Variants in ESYT3 observed in about 807,000 individuals in gnomAD.
ESYT3 encodes the protein extended synaptotagmin 3.
ESYT3 carries 101 observed loss-of-function variants against 111.5 expected under a neutral mutation model. The ratio of observed to expected loss-of-function variants is 0.91; its 90% CI spans 0.77 to 1.07. The LOEUF (loss-of-function observed/expected upper bound fraction) is 1.07. Among genes scored for constraint, ESYT3 ranks in the 50% least tolerant of loss-of-function variants. The pLI is 0.00. For synonymous variants in ESYT3, 416 were observed against 446.8 expected, an observed-to-expected ratio of 0.93 and a Z score of 0.87; for missense variants, 1,097 against 1,109.4, an observed-to-expected ratio of 0.99 and a Z score of 0.16.
Position 138,472,806 on chromosome 3 carries a change from C to T in ESYT3, c.2184C>T (p.Leu728=), listed in dbSNP as rs1370893181. The T allele has an allele frequency of 1.4e-5, 23 of 1,614,230 alleles. No individual in the cohort carries two copies. Among genetic ancestry groups the T allele is most frequent in the Non-Finnish European group, 1.8e-5 (21 of 1,180,050 alleles). Reference sequence around the variant, plus strand: ...GGCTGGCTCCCAGCATGTCCTCGCTCAACTCCTTGGCCTCTTCTTGCTTTG... The same window carrying T: ...GGCTGGCTCCCAGCATGTCCTCGCTTAACTCCTTGGCCTCTTCTTGCTTTG... ...PKRLAPSMSS[L]NSLASSCFDL... Residue 728 remains leucine (L), a synonymous_variant, in exon 18 of 23, where the codon CTC becomes CTT. Coordinates refer to ENST00000389567, the MANE Select transcript of ESYT3 (RefSeq NM_031913.5).
chr3:138,450,271 A>G (rs972432186), intron 1 of ESYT3, among the ~76,000 whole-genome samples: 2 of 152,186 alleles, frequency 1.3e-5, no homozygotes, highest in African/African-American at 2.4e-5. Context: ...CTACTTTAGT[A>G]CTGGGCAGTG....
chr3:138,470,492 C>G, intron 16 of ESYT3: 1 of 1,108,026 alleles, frequency 9.0e-7, no homozygotes, highest in Non-Finnish European at 1.1e-6. Context: ...CACAAAAGAT[C>G]TGTAGAGTAA....
In ESYT3 at chr3:138,462,148, T is replaced by C. The variant is rs746884598; in HGVS notation, c.857T>C (p.Val286Ala). The C allele has an allele frequency of 6.2e-7, 1 of 1,614,208 alleles. No individual in the cohort carries two copies. Among genetic ancestry groups the C allele is most frequent in the Non-Finnish European group, 8.5e-7 (1 of 1,180,020 alleles). ...ACCCACCTGGTGCTGCCCAACCGTG[T>C]GACTGTGCCTGTGAAGAAGGGGCTG... ...IATHLVLPNR[V>A]TVPVKKGLDL... Residue 286 changes from valine (V) to alanine (A), a missense_variant, in exon 8 of 23, where the codon GTG becomes GCG. Val to Ala is a moderately conservative substitution (Grantham distance 64). Coordinates refer to ENST00000389567, the MANE Select transcript of ESYT3 (RefSeq NM_031913.5).
intron 10 of ESYT3, among the ~76,000 whole-genome samples, chr3:138,467,201 G>T (rs2032972461): frequency 6.6e-6 from 1 of 152,164 alleles, no homozygotes; most frequent in Admixed American, 6.5e-5. Context: ...GGACCAGGAG[G>T]CCAAATTTCT....
chr3:138,462,487 C>T (rs539959615), intron 8 of ESYT3: 2 of 536,866 alleles, frequency 3.7e-6, no homozygotes, highest in South Asian at 6.4e-5. Flanking sequence ...TGACTTGTTT[C>T]ATTCTGGTCT....
At position 138,446,625 on chromosome 3, in the gene ESYT3, C is replaced by T. The variant is rs567105208; in HGVS notation, c.328-5423C>T. On this transcript the variant is annotated intron_variant, in intron 1 of 22. Transcript: ENST00000389567. ...AATGATATACCTGGGCATGGTGGCT[C>T]ACACCTGTAATCCTAACAGTTTGGG... Among the ~76,000 whole-genome samples, 61 of 152,276 alleles carry T rather than the reference C, an allele frequency of 4.0e-4. 1 individual carries two copies. In the South Asian group the frequency reaches 0.012, roughly 30 times the overall value.
chr3:138,462,398 G>A (rs1029265909), intron 8 of ESYT3, 192 bp downstream of exon 8: 7 of 714,820 alleles, frequency 9.8e-6, no homozygotes, highest in African/African-American at 5.3e-5. Flanking sequence ...CACTTGGGAG[G>A]TAGTGTCAAA....
intron 1 of ESYT3, among the ~76,000 whole-genome samples, chr3:138,447,223 T>C (rs564756164): frequency 6.6e-6 from 1 of 152,300 alleles, no homozygotes; most frequent in East Asian, 1.9e-4. Context: ...AAGGACATGA[T>C]TAATAACCTG....
At chr3:138,446,295 A>G (rs569280262) in intron 1 of ESYT3, among the ~76,000 whole-genome samples, 10 of 152,322 alleles carry the variant, frequency 6.6e-5, no homozygotes, top group Admixed American at 5.9e-4. Flanking sequence ...GGAAAAGCAC[A>G]GACTCTGTGG....
At chr3:138,473,190 GGT>G in intron 18 of ESYT3, 1 of 1,150,442 alleles carries the variant, frequency 8.7e-7, no homozygotes, top group Non-Finnish European at 1.1e-6. Context: ...ATTTATGAAG[GGT>G]TTACTATGGG....
At chr3:138,449,345 C>T (rs1223123912) in intron 1 of ESYT3, among the ~76,000 whole-genome samples, 1 of 152,058 alleles carries the variant, frequency 6.6e-6, no homozygotes, top group African/African-American at 2.4e-5. Flanking sequence ...CTCGGCCTCC[C>T]AAAGCGCTGG....
intron 16 of ESYT3, 93 bp downstream of exon 16, chr3:138,470,239 T>C: frequency 6.8e-7 from 1 of 1,478,412 alleles, no homozygotes; most frequent in Non-Finnish European, 9.1e-7. Context: ...CAGGTTCTCC[T>C]GGCAGCGTTT....
Position 138,472,572 on chromosome 3 carries a change from TACC to T in ESYT3, c.1954_1956del (p.Thr652del). On this transcript the variant is annotated inframe_deletion, in exon 18 of 23. Transcript: ENST00000389567. ...GGAGTACCACAACCACCACCAGTGCTACCACCGTTGCCACTGAGCCCACATCCC... is the reference window on the plus strand; with the variant it reads ...GGAGTACCACAACCACCACCAGTGCTACCGTTGCCACTGAGCCCACATCCC... The T allele has an allele frequency of 6.2e-7, 1 of 1,614,166 alleles. No homozygotes were observed. Among genetic ancestry groups the T allele is most frequent in the Non-Finnish European group, 8.5e-7 (1 of 1,180,034 alleles).
Position 138,452,029 on chromosome 3 carries a change from C to T in ESYT3, c.328-19C>T, listed in dbSNP as rs375015235. 6.2e-7 allele frequency: 1 copy of T among 1,613,622 alleles called. No homozygotes were observed. The highest frequency in any genetic ancestry group is 8.5e-7 in the Non-Finnish European group (1 of 1,179,876). On this transcript the variant is annotated intron_variant, in intron 1 of 22. Coordinates refer to ENST00000389567, the MANE Select transcript of ESYT3 (RefSeq NM_031913.5). ...TGTGCGGCTTCTAGTCTAACTTCCC[C>T]TCGGGGCTTCTTTCCTAGATCCACT... is the stretch of plus-strand genomic sequence containing the variant.
At chr3:138,473,164 G>A in intron 18 of ESYT3, 1 of 1,280,970 alleles carries the variant, frequency 7.8e-7, no homozygotes, top group Non-Finnish European at 9.9e-7. Context: ...GTAGAATTAT[G>A]TAATAAATGG....
chr3:138,475,112 CAAGAA>C (rs1270451801), intron 20 of ESYT3, among the ~76,000 whole-genome samples: 3 of 152,124 alleles, frequency 2.0e-5, no homozygotes, highest in Non-Finnish European at 4.4e-5. Context: ...TCATCAGTAT[CAAGAA>C]AAGGGTATGA....
chr3:138,463,481 C>T (rs1360637108), intron 8 of ESYT3, among the ~76,000 whole-genome samples: 1 of 152,152 alleles, frequency 6.6e-6, no homozygotes, highest in Non-Finnish European at 1.5e-5. Context: ...TTTAAGAGCT[C>T]CAAAGTACTT....
chr3:138,462,336 A>G, intron 8 of ESYT3, 130 bp downstream of exon 8: 1 of 1,263,762 alleles, frequency 7.9e-7, no homozygotes, highest in Non-Finnish European at 1.1e-6. Flanking sequence ...TGGTACAAAC[A>G]CCATCGCCCA....
intron 1 of ESYT3, among the ~76,000 whole-genome samples, chr3:138,443,801 T>A (rs1319902494): frequency 6.6e-6 from 1 of 151,392 alleles, no homozygotes; most frequent in Admixed American, 6.6e-5. Flanking sequence ...GCGAGGGAGC[T>A]GGCAGAATTC....
Sources: gnomAD v4.1 joint callset for allele counts (sites outside exome capture counted in the v4.1 genomes callset) on GRCh38, gnomAD v4.1.1 for gene constraint, MANE v1.5 for transcripts, NCBI Gene and HGNC (gene_info 2026-07-23, HGNC 2026-07-21) for gene names.